ZFX: variants seen among roughly 807,000 people sequenced by gnomAD.
ZFX encodes the protein zinc finger X-chromosomal protein.
For synonymous variants in ZFX, 196 were observed against 226.8 expected, an observed-to-expected ratio of 0.86 and a Z score of 1.22; for missense variants, 362 against 628.3, an observed-to-expected ratio of 0.58 and a Z score of 4.53.
chrX:24,168,287 ATTAGAGTTGAG>A (rs768763432), intron 3 of ZFX, among the ~76,000 whole-genome samples: 1 of 112,276 alleles, frequency 8.9e-6, no homozygotes, highest in South Asian at 3.6e-4. Flanking sequence ...AGTGAGAAGA[ATTAGAGTTGAG>A]TCATAGAATT....
intron 4 of ZFX, among the ~76,000 whole-genome samples, chrX:24,173,199 A>G (rs1388130797): frequency 3.6e-5 from 4 of 112,255 alleles, no homozygotes; most frequent in African/African-American, 1.3e-4. Flanking sequence ...TGCCTACCAC[A>G]TAGACAGGCT....
intron 4 of ZFX, among the ~76,000 whole-genome samples, chrX:24,173,400 C>T (rs1482567049): frequency 9.0e-6 from 1 of 111,045 alleles, no homozygotes; most frequent in Admixed American, 9.7e-5. Flanking sequence ...ATAACTCTCT[C>T]TCTTGCAAGT....
chrX:24,152,138 AT>A (rs76741578), intron 2 of ZFX, among the ~76,000 whole-genome samples: 136 of 99,877 alleles, frequency 1.4e-3, no homozygotes, highest in East Asian at 2.5e-3. Flanking sequence ...TCCCGTGGTA[AT>A]TTTTTTTTTT....
intron 5 of ZFX, among the ~76,000 whole-genome samples, chrX:24,199,689 G>T (rs989775595): frequency 9.0e-6 from 1 of 110,981 alleles, no homozygotes; most frequent in African/African-American, 3.3e-5. Flanking sequence ...AGGCTGAGGT[G>T]GGTGGATCAC....
upstream of ZFX, chrX:24,149,173 AAC>A (rs1442853297): frequency 3.6e-5 from 4 of 109,940 alleles, no homozygotes; most frequent in Non-Finnish European, 7.6e-5. Context: ...GGATGAAGAA[AAC>A]ACATTTACTG....
intron 5 of ZFX, among the ~76,000 whole-genome samples, chrX:24,198,532 A>ATTT (rs1937077488): frequency 9.2e-6 from 1 of 108,512 alleles, no homozygotes; most frequent in Non-Finnish European, 1.9e-5. Context: ...CTTAATGACC[A>ATTT]AACATTTACT....
chrX:24,178,997 A>T (rs1325108522), intron 4 of ZFX, among the ~76,000 whole-genome samples, 186 bp from the exon 5 acceptor site: 5 of 112,496 alleles, frequency 4.4e-5, no homozygotes, highest in African/African-American at 1.6e-4. Flanking sequence ...TGAGATGATT[A>T]CAAAAGTTCT....
rs1300649813 is a variant in ZFX at position 24,211,440 on chromosome X, A to G, written c.*64A>G. On this transcript the variant is annotated 3_prime_UTR_variant, in exon 10 of 10. Transcript: ENST00000304543. ...GAAGCAGAAAATTCATTTTAAAGCC[A>G]ATCAGTCTCATTCACATACAATACT... 1.8e-6 allele frequency: 2 copies of G among 1,103,139 alleles called. No individual in the cohort carries two copies. Among genetic ancestry groups the G allele is most frequent in the African/African-American group, 1.8e-5 (1 of 54,609 alleles). 90.9% of individuals were successfully genotyped at this position (1,103,139 alleles called of 1,213,427 possible).
At chrX:24,206,551 AT>A (rs1249396716) in intron 5 of ZFX, among the ~76,000 whole-genome samples, 36 of 37,528 alleles carry the variant, frequency 9.6e-4, no homozygotes, top group East Asian at 2.2e-3. Context: ...GTGTGTGTGT[AT>A]TTTTTTTTTT....
chrX:24,193,791 A>G (rs1456140410), intron 5 of ZFX, among the ~76,000 whole-genome samples: 1 of 112,044 alleles, frequency 8.9e-6, no homozygotes, highest in Non-Finnish European at 1.9e-5. Flanking sequence ...AGTTTTTAAA[A>G]TTATTGTTTT....
intron 4 of ZFX, among the ~76,000 whole-genome samples, chrX:24,176,304 G>T (rs181154866): frequency 3.0e-4 from 33 of 110,604 alleles, no homozygotes; most frequent in Non-Finnish European, 5.9e-4. Context: ...CTCCCAAAGT[G>T]CTGGGATTAC....
At position 24,213,641 on chromosome X, in the gene ZFX, T is replaced by C. The variant is rs5949242; in HGVS notation, c.*2265T>C. ...GCATGGGTTTTCCTAGCCTATCTTATAGGAAATTCCTGTACCTTCTTGGCC... is the reference window on the plus strand; with the variant it reads ...GCATGGGTTTTCCTAGCCTATCTTACAGGAAATTCCTGTACCTTCTTGGCC... On this transcript the variant is annotated 3_prime_UTR_variant, in exon 10 of 10. Coordinates refer to ENST00000304543, the MANE Select transcript of ZFX (RefSeq NM_003410.4). The C allele has an allele frequency of 0.36, 38,042 of 106,395 alleles. 5,327 individuals are homozygous for C. The highest frequency in any genetic ancestry group is 0.64 in the South Asian group (1,499 of 2,326). 8.8% of individuals were successfully genotyped at this position (106,395 alleles called of 1,213,427 possible).
chrX:24,162,077 C>A (rs1430633014), intron 3 of ZFX, among the ~76,000 whole-genome samples: 1 of 107,525 alleles, frequency 9.3e-6, no homozygotes, highest in African/African-American at 3.4e-5. Flanking sequence ...AAAAAGAAAT[C>A]TCTAGCTGGG....
chrX:24,170,376 C>CG (rs1934458965), intron 3 of ZFX, among the ~76,000 whole-genome samples: 1 of 109,045 alleles, frequency 9.2e-6, no homozygotes, highest in Non-Finnish European at 1.9e-5. Flanking sequence ...AGGCTGGTCT[C>CG]GAACTCCTGA....
intron 4 of ZFX, among the ~76,000 whole-genome samples, chrX:24,178,635 G>A (rs73475925): frequency 0.012 from 1,307 of 109,312 alleles, 30 homozygotes; most frequent in African/African-American, 0.042. Flanking sequence ...CAGGTGGAGT[G>A]CAGCAGCGCC....
chrX:24,192,559 C>G (rs148352057), intron 5 of ZFX, among the ~76,000 whole-genome samples: 11 of 111,106 alleles, frequency 9.9e-5, no homozygotes, highest in Admixed American at 7.7e-4. Flanking sequence ...GTTCTCAAGA[C>G]GAGCACAAGA....
rs185908659 is a variant in ZFX, at chrX:24,180,424, C to G, written c.646+654C>G. On this transcript the variant is annotated intron_variant, in intron 5 of 9. Transcript: ENST00000304543. ...GGAGGGAGAGTCTTGCTCTGTCGTC[C>G]AGGCTGGAGTGCAGTGGTGCGATCT... 8.8e-3 allele frequency among the ~76,000 whole-genome samples: 953 copies of G among 107,935 alleles called. 10 individuals are homozygous for G. Among genetic ancestry groups the G allele is most frequent in the African/African-American group, 0.03 (888 of 29,498 alleles). 93.7% of individuals were successfully genotyped at this position (107,935 alleles called of 115,157 possible). A position where few individuals can be genotyped will look rare whatever the true frequency, so the allele number is the denominator to read the frequency against.
chrX:24,160,444 G>A (rs1198786619), intron 3 of ZFX, among the ~76,000 whole-genome samples: 3 of 109,383 alleles, frequency 2.7e-5, no homozygotes, highest in Admixed American at 2.0e-4. Flanking sequence ...GATTACAGAC[G>A]TGCACCAGCA....
At chrX:24,199,135 A>G (rs955310390) in intron 5 of ZFX, among the ~76,000 whole-genome samples, 2 of 111,803 alleles carry the variant, frequency 1.8e-5, no homozygotes, top group Non-Finnish European at 3.8e-5. Context: ...AGTAAATCAC[A>G]GAGAGTGAGC....
Sources: allele counts gnomAD v4.1 joint callset (sites outside exome capture counted in the v4.1 genomes callset), GRCh38; gene constraint gnomAD v4.1.1; transcripts MANE v1.5; gene names NCBI Gene and HGNC (gene_info 2026-07-23, HGNC 2026-07-21).